LRRC36: variants seen among roughly 807,000 people sequenced by gnomAD.
LRRC36 encodes leucine-rich repeat-containing protein 36.
LRRC36 carries 62 observed loss-of-function variants against 81.1 expected under a neutral mutation model. The observed-to-expected ratio is 0.76, with a 90% CI of 0.62 to 0.94. The LOEUF (loss-of-function observed/expected upper bound fraction) is 0.94. Ranked by LOEUF, LRRC36 falls within the 40% of genes least tolerant of loss-of-function variation. LRRC36 has a pLI of 0.00. For missense variants in LRRC36, 761 were observed against 881.7 expected, an observed-to-expected ratio of 0.86 and a Z score of 1.73; for synonymous variants, 334 against 348.6, an observed-to-expected ratio of 0.96 and a Z score of 0.47.
At chr16:67,377,022 A>G in intron 11 of LRRC36, 150 bp downstream of exon 11, 1 of 786,224 alleles carries the variant, frequency 1.3e-6, no homozygotes, top group Non-Finnish European at 1.9e-6. Context: ...GGACAGGGAC[A>G]ACTTGGAAGT....
intron 4 of LRRC36, among the ~76,000 whole-genome samples, chr16:67,348,303 C>A (rs763557021): frequency 2.0e-5 from 3 of 151,900 alleles, no homozygotes; most frequent in African/African-American, 4.8e-5. Context: ...GTACTATAGA[C>A]ACATATAGAT....
chr16:67,361,707 G>A (rs1006969431), intron 5 of LRRC36, among the ~76,000 whole-genome samples: 5 of 152,004 alleles, frequency 3.3e-5, no homozygotes. Flanking sequence ...TGAGTAGCTG[G>A]GATTACAGGC....
chr16:67,339,549 T>G (rs2037929653), intron 1 of LRRC36, among the ~76,000 whole-genome samples: 4 of 152,240 alleles, frequency 2.6e-5, no homozygotes. Context: ...ACTATAATCC[T>G]TTTCTGTGGC....
intron 1 of LRRC36, among the ~76,000 whole-genome samples, chr16:67,332,333 C>G (rs1333700326): frequency 2.6e-5 from 4 of 152,180 alleles, no homozygotes; most frequent in Non-Finnish European, 5.9e-5. Flanking sequence ...GAGGGCGAAT[C>G]ACGAGGTCAG....
In LRRC36 at chr16:67,365,371, A is replaced by G; in HGVS notation, c.754+16A>G. ...CAGGAAGATGGTAAATATTTTGCTC[A>G]CTGAGTATTTTTCCCCCACACTAAT... On this transcript the variant is annotated intron_variant, in intron 7 of 13. Transcript: ENST00000329956. 1 of 1,610,856 alleles carries G rather than the reference A, an allele frequency of 6.2e-7. No individual in the cohort carries two copies. The highest frequency in any genetic ancestry group is 8.5e-7 in the Non-Finnish European group (1 of 1,177,466).
chr16:67,351,272 C>G (rs1226496005), intron 5 of LRRC36, among the ~76,000 whole-genome samples: 2 of 152,110 alleles, frequency 1.3e-5, no homozygotes, highest in Admixed American at 6.6e-5. Context: ...AACATCAATT[C>G]CTAAAAGCCA....
chr16:67,328,416 G>A (rs2037310234), intron 1 of LRRC36, among the ~76,000 whole-genome samples: 2 of 152,146 alleles, frequency 1.3e-5, no homozygotes, highest in Admixed American at 6.5e-5. Flanking sequence ...GGGAGGCTGA[G>A]GCAGGAGAAT....
At chr16:67,383,952 G>A (rs913561476) in intron 13 of LRRC36, among the ~76,000 whole-genome samples, 1 of 152,234 alleles carries the variant, frequency 6.6e-6, no homozygotes, top group Non-Finnish European at 1.5e-5. Flanking sequence ...GTGGTGTATA[G>A]AGTTAGTTCT....
chr16:67,382,273 T>C (rs2040140827), intron 13 of LRRC36, 26 bp downstream of exon 13: 4 of 1,529,382 alleles, frequency 2.6e-6, no homozygotes, highest in Non-Finnish European at 2.7e-6. Context: ...TCTAGCTTGC[T>C]TCTAGAAGCA....
rs1008120702 is a variant in LRRC36, at chr16:67,371,238, G to A, written c.1490G>A (p.Ser497Asn). The change falls in exon 9 of 14, where the codon AGC (serine) becomes AAC (asparagine). Residue 497 changes from serine to asparagine, a missense_variant. This residue lies in a region of LRRC36 where 359 missense variants were observed against 388.4 expected (regional missense o/e 0.92). Transcript: ENST00000329956. ...LKHGFQDATG[S>N]EPLSSDLGSL... ...CATGGTTTCCAAGATGCTACAGGCA[G>A]CGAGGCAAGTGTTGGCTTGTTTGTG... The A allele has an allele frequency of 6.2e-7, 1 of 1,614,090 alleles. No individual in the cohort carries two copies. The highest frequency in any genetic ancestry group is 1.3e-5 in the African/African-American group (1 of 74,952).
At chr16:67,378,365 G>A (rs751276335) in intron 11 of LRRC36, among the ~76,000 whole-genome samples, 3 of 148,192 alleles carry the variant, frequency 2.0e-5, no homozygotes, top group East Asian at 2.0e-4. Flanking sequence ...TCAGCCTCCC[G>A]AGTAGCTGGG....
At chr16:67,362,110 A>G (rs529798560) in intron 5 of LRRC36, 37 of 370,596 alleles carry the variant, frequency 1.0e-4, no homozygotes, top group South Asian at 6.2e-4. Flanking sequence ...AACAAAAACA[A>G]AAACAAATCT....
At chr16:67,374,357 G>A (rs1340660922) in intron 9 of LRRC36, among the ~76,000 whole-genome samples, 1 of 151,922 alleles carries the variant, frequency 6.6e-6, no homozygotes, top group Non-Finnish European at 1.5e-5. Context: ...AACCATAGAT[G>A]TAGGTGTCAA....
intron 5 of LRRC36, among the ~76,000 whole-genome samples, chr16:67,350,710 C>G (rs1386337401): frequency 6.6e-6 from 1 of 152,184 alleles, no homozygotes; most frequent in African/African-American, 2.4e-5. Flanking sequence ...TTACTATATT[C>G]CTGTAAATAC....
At chr16:67,340,431 A>T (rs2037976518) in intron 1 of LRRC36, among the ~76,000 whole-genome samples, 1 of 151,980 alleles carries the variant, frequency 6.6e-6, no homozygotes, top group Non-Finnish European at 1.5e-5. Flanking sequence ...GCTGAGGCTG[A>T]GACTGGTGGA....
At chr16:67,381,242 A>G (rs1467749406) in intron 12 of LRRC36, among the ~76,000 whole-genome samples, 24 of 151,734 alleles carry the variant, frequency 1.6e-4, no homozygotes, top group Admixed American at 1.6e-3. Flanking sequence ...AAAAAAAAAA[A>G]AAAAAAAAAA....
At chr16:67,384,684 T>TGTATTA (rs1487369229) in intron 13 of LRRC36, among the ~76,000 whole-genome samples, 186 bp from the exon 14 acceptor site, 9 of 152,334 alleles carry the variant, frequency 5.9e-5, no homozygotes, top group Non-Finnish European at 1.3e-4. Flanking sequence ...TGGAATATAA[T>TGTATTA]CAAACAGAAT....
At chr16:67,356,506 TCA>T (rs2038909837) in intron 5 of LRRC36, among the ~76,000 whole-genome samples, 1 of 152,184 alleles carries the variant, frequency 6.6e-6, no homozygotes, top group African/African-American at 2.4e-5. Context: ...GTTAGCAATC[TCA>T]GTCAGTGGAA....
At chr16:67,346,926 G>A (rs1436654158) in intron 3 of LRRC36, among the ~76,000 whole-genome samples, 1 of 151,758 alleles carries the variant, frequency 6.6e-6, no homozygotes, top group Non-Finnish European at 1.5e-5. Context: ...CCAGGCTGGA[G>A]TGCAGTGGCA....
Sources: gnomAD v4.1 joint callset for allele counts (sites outside exome capture counted in the v4.1 genomes callset) on GRCh38, gnomAD v4.1.1 for gene constraint, gnomAD v4.1.1 regional missense constraint, MANE v1.5 for transcripts, NCBI Gene and HGNC (gene_info 2026-07-23, HGNC 2026-07-21) for gene names.